Variants in CD86 observed in about 807,000 individuals in gnomAD.
CD86 encodes the protein T-lymphocyte activation antigen CD86.
A neutral mutation model predicts 32.1 loss-of-function variants in CD86; 11 were observed. The ratio of observed to expected loss-of-function variants is 0.34; its 90% CI spans 0.22 to 0.57. The LOEUF is 0.57. Among genes scored for constraint, CD86 ranks in the 20% least tolerant of loss-of-function variants. The pLI, the probability that CD86 is intolerant of heterozygous loss-of-function variation, is 0.86. For missense variants in CD86, 359 were observed against 398.4 expected, an observed-to-expected ratio of 0.90 and a Z score of 0.84; for synonymous variants, 137 against 135.3, an observed-to-expected ratio of 1.01 and a Z score of -0.09.
intron 5 of CD86, among the ~76,000 whole-genome samples, chr3:122,111,197 C>G (rs537826861): frequency 1.4e-4 from 21 of 152,272 alleles, no homozygotes; most frequent in East Asian, 1.4e-3. Context: ...AGAGAGAAGC[C>G]TTGCTATCAC....
At chr3:122,101,513 AATATATATATATAT>A (rs58001956) in intron 2 of CD86, among the ~76,000 whole-genome samples, 10 of 46,346 alleles carry the variant, frequency 2.2e-4, no homozygotes, top group Non-Finnish European at 2.9e-4. Flanking sequence ...AAAAAAAAAA[AATATATATATATAT>A]ATATATATAT....
intron 1 of CD86, among the ~76,000 whole-genome samples, chr3:122,062,201 G>T (rs2072348737): frequency 6.6e-6 from 1 of 152,060 alleles, no homozygotes; most frequent in Non-Finnish European, 1.5e-5. Flanking sequence ...ATGGATTTTG[G>T]GAGGGTTGGG....
intron 1 of CD86, among the ~76,000 whole-genome samples, chr3:122,088,063 G>C (rs2072753081): frequency 6.6e-6 from 1 of 151,902 alleles, no homozygotes; most frequent in African/African-American, 2.4e-5. Flanking sequence ...TTGTGTCCCT[G>C]TTTGTCATGC....
At chr3:122,115,261 G>A (rs1358754494) in intron 5 of CD86, among the ~76,000 whole-genome samples, 3 of 151,894 alleles carry the variant, frequency 2.0e-5, no homozygotes, top group Admixed American at 2.0e-4. Flanking sequence ...ATTTATAATA[G>A]CATCAAATAA....
chr3:122,059,030 G>A (rs747171844), intron 1 of CD86, among the ~76,000 whole-genome samples: 16 of 152,126 alleles, frequency 1.1e-4, no homozygotes, highest in Non-Finnish European at 1.9e-4. Flanking sequence ...GAAGCAGAGT[G>A]GGTTTGCGCC....
At chr3:122,091,023 G>C (rs2072808826) in intron 1 of CD86, among the ~76,000 whole-genome samples, 1 of 152,186 alleles carries the variant, frequency 6.6e-6, no homozygotes, top group Non-Finnish European at 1.5e-5. Context: ...ACAAAAGGAA[G>C]GCAGATTTCT....
intron 2 of CD86, among the ~76,000 whole-genome samples, chr3:122,103,291 T>C (rs11713851): frequency 0.017 from 2,642 of 152,256 alleles, 34 homozygotes; most frequent in Middle Eastern, 0.031. Context: ...CTCATAAAGA[T>C]TGCAGTTTGT....
At chr3:122,096,872 TCCAG>T (rs2072916609) in intron 2 of CD86, among the ~76,000 whole-genome samples, 1 of 152,258 alleles carries the variant, frequency 6.6e-6, no homozygotes, top group African/African-American at 2.4e-5. Flanking sequence ...TTAACTTATT[TCCAG>T]TGTATTGTTC....
At chr3:122,069,754 G>GC (rs1173768847) in intron 1 of CD86, among the ~76,000 whole-genome samples, 1 of 152,046 alleles carries the variant, frequency 6.6e-6, no homozygotes, top group African/African-American at 2.4e-5. Flanking sequence ...TTCTAGGCAT[G>GC]CCCCAGAACA....
chr3:122,056,064 T>C (rs1247757645), intron 1 of CD86, among the ~76,000 whole-genome samples: 1 of 152,218 alleles, frequency 6.6e-6, no homozygotes, highest in Non-Finnish European at 1.5e-5. Context: ...CATGATGTGC[T>C]GGGTACTTTA....
intron 1 of CD86, among the ~76,000 whole-genome samples, chr3:122,062,385 T>G (rs1242153479): frequency 6.6e-6 from 1 of 152,182 alleles, no homozygotes; most frequent in Non-Finnish European, 1.5e-5. Context: ...TCCATGTCCT[T>G]AGTACATTTT....
At chr3:122,105,756 C>T (rs1009383410) in intron 3 of CD86, among the ~76,000 whole-genome samples, 1 of 152,126 alleles carries the variant, frequency 6.6e-6, no homozygotes, top group African/African-American at 2.4e-5. Context: ...CAGGGCATCT[C>T]AGCACCATGA....
At chr3:122,076,562 C>T (rs1172098356) in intron 1 of CD86, among the ~76,000 whole-genome samples, 2 of 152,172 alleles carry the variant, frequency 1.3e-5, no homozygotes, top group Non-Finnish European at 2.9e-5. Context: ...GAAGTGATGA[C>T]CCTGTGAGTC....
At chr3:122,064,930 AT>A (rs2072392339) in intron 1 of CD86, among the ~76,000 whole-genome samples, 2 of 152,228 alleles carry the variant, frequency 1.3e-5, no homozygotes, top group Admixed American at 1.3e-4. Flanking sequence ...GATGAATCAG[AT>A]AGAAATCCTG....
At chr3:122,067,895 A>T (rs1238110421) in intron 1 of CD86, among the ~76,000 whole-genome samples, 1 of 152,160 alleles carries the variant, frequency 6.6e-6, no homozygotes, top group Admixed American at 6.6e-5. Context: ...AAAGCATGTG[A>T]TGGAAGTAGC....
chr3:122,071,990 T>C (rs1214072537), intron 1 of CD86, among the ~76,000 whole-genome samples: 1 of 151,342 alleles, frequency 6.6e-6, no homozygotes, highest in Non-Finnish European at 1.5e-5. Flanking sequence ...TTTGGTTTTT[T>C]GTCCTTGCGG....
At chr3:122,097,634 G>A (rs1401061254) in intron 2 of CD86, among the ~76,000 whole-genome samples, 1 of 152,154 alleles carries the variant, frequency 6.6e-6, no homozygotes, top group Non-Finnish European at 1.5e-5. Context: ...TGGGGGTGGA[G>A]GAATCCAAGG....
intron 1 of CD86, among the ~76,000 whole-genome samples, chr3:122,074,557 C>T (rs910348509): frequency 6.6e-6 from 1 of 152,218 alleles, no homozygotes; most frequent in African/African-American, 2.4e-5. Flanking sequence ...CCACTGGCCG[C>T]AGGAGGCCAC....
intron 2 of CD86, 137 bp from the exon 3 acceptor site, chr3:122,103,375 C>A: frequency 1.6e-6 from 1 of 642,618 alleles, no homozygotes; most frequent in East Asian, 2.7e-5. Context: ...CAGATGTGCA[C>A]AGTTCCAGAG....
Sources: allele counts gnomAD v4.1 joint callset (sites outside exome capture counted in the v4.1 genomes callset), GRCh38; gene constraint gnomAD v4.1.1; transcripts MANE v1.5; gene names NCBI Gene and HGNC (gene_info 2026-07-23, HGNC 2026-07-21).